TRPC5: variants seen among roughly 807,000 people sequenced by gnomAD.
The protein encoded by TRPC5 is short transient receptor potential channel 5.
TRPC5 carries 9 observed loss-of-function variants against 56.5 expected under a neutral mutation model. The ratio of observed to expected loss-of-function variants is 0.16; its 90% CI spans 0.10 to 0.28. The LOEUF (loss-of-function observed/expected upper bound fraction) is 0.28. Among genes scored for constraint, TRPC5 ranks in the 10% least tolerant of loss-of-function variants. TRPC5 has a pLI of 1.00. For missense variants in TRPC5, 469 were observed against 748.9 expected (o/e 0.63, Z 4.36); for synonymous variants, 282 against 278.5 (o/e 1.01, Z -0.13).
chrX:111,965,029 C>A (rs1927518813), intron 1 of TRPC5, among the ~76,000 whole-genome samples: 1 of 111,604 alleles, frequency 9.0e-6, no homozygotes, highest in African/African-American at 3.3e-5. Flanking sequence ...CACAAACTGG[C>A]AAATTGGATA....
chrX:111,917,036 G>A (rs1041971879), intron 2 of TRPC5, among the ~76,000 whole-genome samples: 4 of 113,045 alleles, frequency 3.5e-5, no homozygotes, highest in Admixed American at 9.3e-5. Context: ...TTAATCAGGA[G>A]AGTGGCATAG....
chrX:111,916,931 G>A (rs920838286), intron 2 of TRPC5, among the ~76,000 whole-genome samples: 1 of 112,888 alleles, frequency 8.9e-6, no homozygotes, highest in African/African-American at 3.2e-5. Context: ...AGAAGAAATT[G>A]GATATTTAGG....
At chrX:111,877,021 A>G (rs905063152) in intron 3 of TRPC5, among the ~76,000 whole-genome samples, 11 of 111,581 alleles carry the variant, frequency 9.9e-5, no homozygotes, top group African/African-American at 3.6e-4. Context: ...GAAAAATACT[A>G]TCTATGGATG....
At chrX:111,784,851 G>A (rs895830036) in intron 7 of TRPC5, among the ~76,000 whole-genome samples, 2 of 112,420 alleles carry the variant, frequency 1.8e-5, no homozygotes, top group Admixed American at 9.4e-5. Flanking sequence ...TCTGCAAGGC[G>A]GCAGCCTGGC....
chrX:112,040,352 C>T lies in TRPC5; in HGVS notation c.-22+41527G>A, dbSNP rs531855056. Among the ~76,000 whole-genome samples the T allele has an allele frequency of 8.0e-5, 9 of 112,248 alleles. No individual in the cohort carries two copies. In the South Asian group the frequency reaches 3.0e-3, roughly 37 times the overall value. On this transcript the variant is annotated intron_variant, in intron 1 of 10. Coordinates refer to ENST00000262839, the MANE Select transcript of TRPC5 (RefSeq NM_012471.3). ...ATCAGTTCCAGCTAATTCAGAACTT[C>T]CTTATTAGCTAGACTCTTGATGATC...
intron 2 of TRPC5, among the ~76,000 whole-genome samples, chrX:111,921,405 T>C (rs146257964): frequency 0.025 from 2,825 of 111,276 alleles, 101 homozygotes; most frequent in African/African-American, 0.087. Flanking sequence ...ATAAAATCTT[T>C]GTCATGTTTA....
intron 1 of TRPC5, among the ~76,000 whole-genome samples, chrX:112,077,259 C>T (rs1184679869): frequency 3.6e-5 from 4 of 111,766 alleles, no homozygotes; most frequent in African/African-American, 1.3e-4. Flanking sequence ...TATGATCTCA[C>T]TCCCTTTACA....
intron 9 of TRPC5, 26 bp from the exon 10 acceptor site, chrX:111,779,100 A>T: frequency 1.9e-6 from 2 of 1,077,824 alleles, no homozygotes; most frequent in Non-Finnish European, 2.6e-6. Flanking sequence ...ATGAAGAAGC[A>T]TTCAGTCTCC....
Position 112,039,595 on chromosome X carries a change from C to A in TRPC5, c.-22+42284G>T, listed in dbSNP as rs148547804. 6.3e-3 allele frequency among the ~76,000 whole-genome samples: 707 copies of A among 112,027 alleles called. 4 individuals are homozygous for A. Among genetic ancestry groups the A allele is most frequent in the African/African-American group, 0.022 (681 of 30,809 alleles). On this transcript the variant is annotated intron_variant, in intron 1 of 10. Transcript: ENST00000262839. ...ATATCTTTATTATCTTAAGGAATAA[C>A]CACAACAGGAATTTTCCCTCATGTT...
At chrX:111,848,314 G>A (rs915047624) in intron 5 of TRPC5, among the ~76,000 whole-genome samples, 1 of 111,371 alleles carries the variant, frequency 9.0e-6, no homozygotes, top group East Asian at 2.8e-4. Flanking sequence ...TCCAATTTGG[G>A]CATTGTCACT....
At chrX:111,804,446 A>G (rs1210856655) in intron 7 of TRPC5, among the ~76,000 whole-genome samples, 12 of 111,773 alleles carry the variant, frequency 1.1e-4, no homozygotes, top group Non-Finnish European at 1.3e-4. Flanking sequence ...TTTGGGCAGT[A>G]TGGCCATTTT....
At chrX:111,881,581 G>C (rs1222186509) in intron 3 of TRPC5, among the ~76,000 whole-genome samples, 4 of 111,516 alleles carry the variant, frequency 3.6e-5, no homozygotes, top group Non-Finnish European at 5.6e-5. Flanking sequence ...CTCCCAGGTG[G>C]AGTGTTACAT....
At chrX:111,903,200 T>G (rs1460611436) in intron 3 of TRPC5, 1 of 111,911 alleles carries the variant, frequency 8.9e-6, no homozygotes, top group East Asian at 2.8e-4. Flanking sequence ...TAAGGATTGT[T>G]AAGATATAAC....
At chrX:111,933,180 A>G (rs1404725433) in intron 2 of TRPC5, among the ~76,000 whole-genome samples, 1 of 112,250 alleles carries the variant, frequency 8.9e-6, no homozygotes, top group Non-Finnish European at 1.9e-5. Context: ...ATAAATCAGT[A>G]CAGAATAGTG....
chrX:111,969,029 CA>C (rs201805677), intron 1 of TRPC5, among the ~76,000 whole-genome samples: 40 of 103,501 alleles, frequency 3.9e-4, no homozygotes, highest in South Asian at 2.5e-3. Context: ...ATAAAAACAA[CA>C]AAAAAAATAA....
intron 3 of TRPC5, chrX:111,903,100 G>A (rs1038083203): frequency 9.0e-6 from 1 of 111,351 alleles, no homozygotes; most frequent in African/African-American, 3.3e-5. Flanking sequence ...GTTTTCCTGG[G>A]TCACCTGAAC....
chrX:111,954,304 G>A (rs1382019593), intron 1 of TRPC5, among the ~76,000 whole-genome samples: 3 of 111,917 alleles, frequency 2.7e-5, no homozygotes, highest in African/African-American at 9.7e-5. Context: ...CCTCTATTGT[G>A]TCTAGCACTC....
At chrX:111,931,753 T>A (rs1000308801) in intron 2 of TRPC5, among the ~76,000 whole-genome samples, 5 of 111,590 alleles carry the variant, frequency 4.5e-5, no homozygotes, top group African/African-American at 1.6e-4. Flanking sequence ...TCCCAGTGCA[T>A]CCGCTTACTA....
intron 1 of TRPC5, among the ~76,000 whole-genome samples, chrX:112,048,500 T>A (rs1930129404): frequency 9.5e-6 from 1 of 104,988 alleles, no homozygotes; most frequent in South Asian, 4.3e-4. Context: ...AAATATAAGA[T>A]CCCTCATGGA....
Sources: allele counts gnomAD v4.1 joint callset (sites outside exome capture counted in the v4.1 genomes callset), GRCh38; gene constraint gnomAD v4.1.1; transcripts MANE v1.5; gene names NCBI Gene and HGNC (gene_info 2026-07-23, HGNC 2026-07-21).